The following PHF8 variants were observed in gnomAD, a reference collection of about 807,000 sequenced individuals.
PHF8 encodes histone lysine demethylase PHF8.
In PHF8, 9 loss-of-function variants were observed where a neutral mutation model predicts 74.4. The ratio of observed to expected loss-of-function variants is 0.12; its 90% CI spans 0.07 to 0.21. The LOEUF (loss-of-function observed/expected upper bound fraction) is 0.21, where lower values mean the gene tolerates loss of function less well. Ranked by LOEUF, PHF8 falls within the 10% of genes least tolerant of loss-of-function variation. The pLI is 1.00. For synonymous variants in PHF8, 311 were observed against 316.6 expected (o/e 0.98, Z 0.19); for missense variants, 478 against 816.6 (o/e 0.59, Z 5.05).
intron 18 of PHF8, among the ~76,000 whole-genome samples, chrX:53,963,395 G>A (rs1256974959): frequency 9.0e-6 from 1 of 111,594 alleles, no homozygotes; most frequent in Non-Finnish European, 1.9e-5. Context: ...CATAAGGGCA[G>A]GAATATGTAT....
Position 54,010,986 on chromosome X carries a change from C to A in PHF8, c.946+136G>T. ...GCCCACTGACTACCACATGAAATTT[C>A]TTGAAGCCCAGTTCTGCGCCTTTCG... On this transcript the variant is annotated intron_variant, in intron 8 of 21. Coordinates refer to ENST00000338154, the MANE Select transcript of PHF8 (RefSeq NM_015107.3). 5.2e-6 allele frequency: 3 copies of A among 572,088 alleles called. No individual in the cohort carries two copies. In the East Asian group the frequency reaches 1.1e-4, roughly 21 times the overall value. 47.1% of individuals were successfully genotyped at this position (572,088 alleles called of 1,213,427 possible). A position where few individuals can be genotyped will look rare whatever the true frequency, so the allele number is the denominator to read the frequency against.
At position 53,993,909 on chromosome X, in the gene PHF8, A is replaced by G; in HGVS notation, c.1324-6T>C. ...ACGTTCTGTTGGAAGATGTCCTACA[A>G]GAGTGTTAGTACATGAGGGGGTTAG... On this transcript the variant is annotated splice_polypyrimidine_tract_variant and splice_region_variant and intron_variant, in intron 12 of 21. Transcript: ENST00000338154. 1 of 1,178,731 alleles carries G rather than the reference A, an allele frequency of 8.5e-7. No homozygotes were observed. The highest frequency in any genetic ancestry group is 1.2e-6 in the Non-Finnish European group (1 of 867,218).
intron 19 of PHF8, among the ~76,000 whole-genome samples, chrX:53,948,674 T>A (rs1379491578): frequency 8.9e-6 from 1 of 111,866 alleles, no homozygotes; most frequent in East Asian, 2.8e-4. Context: ...AACTATAGAA[T>A]CTGAGTATTA....
intron 10 of PHF8, among the ~76,000 whole-genome samples, chrX:54,000,939 T>A (rs1203017371): frequency 1.8e-5 from 2 of 113,139 alleles, no homozygotes; most frequent in African/African-American, 6.4e-5. Context: ...AACAAAAAGG[T>A]TAAAATCCAT....
upstream of PHF8, chrX:54,044,993 C>T (rs781903484): frequency 1.9e-5 from 14 of 735,521 alleles, no homozygotes; most frequent in Non-Finnish European, 2.9e-5. Context: ...AAGGCAGGGG[C>T]TTCGAGAAGC....
chrX:53,961,028 CT>C (rs1420326281), intron 19 of PHF8, among the ~76,000 whole-genome samples: 23 of 102,389 alleles, frequency 2.2e-4, no homozygotes, highest in Admixed American at 5.3e-4. Context: ...CCTAAGTTTT[CT>C]TTTTTTTTTT....
chrX:54,022,912 C>CTACTGGA, intron 2 of PHF8, 69 bp from the exon 3 acceptor site: 1 of 600,728 alleles, frequency 1.7e-6, no homozygotes, highest in Non-Finnish European at 2.8e-6. Flanking sequence ...ACAGTGCTGT[C>CTACTGGA]CAGTAGAACA....
chrX:53,991,681 AAAAAC>A (rs1557101408), intron 14 of PHF8, among the ~76,000 whole-genome samples: 21 of 106,071 alleles, frequency 2.0e-4, no homozygotes, highest in African/African-American at 4.5e-4. Context: ...AAAAAAAAAA[AAAAAC>A]AAAACTTGGT....
chrX:53,968,720 C>A (rs926824193), intron 18 of PHF8, among the ~76,000 whole-genome samples: 2 of 110,655 alleles, frequency 1.8e-5, no homozygotes, highest in African/African-American at 6.6e-5. Context: ...ATCAGTCTGG[C>A]CAATATGGTG....
At chrX:54,001,332 AG>A (rs2065824174) in intron 10 of PHF8, among the ~76,000 whole-genome samples, 1 of 109,428 alleles carries the variant, frequency 9.1e-6, no homozygotes, top group East Asian at 2.9e-4. Context: ...CTCAAAAAAA[AG>A]AAAAAGAAAA....
At chrX:54,006,582 A>C (rs1317857802) in intron 8 of PHF8, among the ~76,000 whole-genome samples, 2 of 112,122 alleles carry the variant, frequency 1.8e-5, no homozygotes, top group African/African-American at 6.5e-5. Context: ...TAATTAGAGC[A>C]AACACTACAA....
chrX:53,971,324 T>C (rs782103756), intron 18 of PHF8, among the ~76,000 whole-genome samples: 111 of 111,378 alleles, frequency 1.0e-3, no homozygotes, highest in Non-Finnish European at 1.6e-3. Context: ...ATCTCTGGGA[T>C]GCAGCTAAAC....
rs782396701 is a variant in PHF8 at position 53,993,848 on chromosome X, A to T, written c.1379T>A (p.Ile460Asn). 13 of 1,207,044 alleles carry T rather than the reference A, an allele frequency of 1.1e-5. No individual in the cohort carries two copies. Among genetic ancestry groups the T allele is most frequent in the Middle Eastern group, 2.3e-4 (1 of 4,366 alleles). ...TAGGGGAATGGAGCCGGCTGGGAAG[A>T]TCCTCTGCAGCCCAAAGATATTGCT... ...KTSNIFGLQR[I>N]FPAGSIPLTR... is the part of the protein sequence containing the mutation. The change falls in exon 13 of 22, where the codon ATC (isoleucine) becomes AAC (asparagine). Residue 460 changes from isoleucine to asparagine, a missense_variant. By Grantham distance (149) the Ile-to-Asn change is moderately radical. Transcript: ENST00000338154.
chrX:53,952,082 G>A lies in PHF8; in HGVS notation c.2540-7839C>T, dbSNP rs377273908. On this transcript the variant is annotated intron_variant, in intron 19 of 21. Coordinates refer to ENST00000338154, the MANE Select transcript of PHF8 (RefSeq NM_015107.3). The stretch of plus-strand genomic sequence containing the variant: ...GGGCAGATTACGAGGTCAAGAGTTC[G>A]AGACCAGCCTGGCCAACATAGTGAA... Among the ~76,000 whole-genome samples the A allele has an allele frequency of 2.5e-4, 27 of 109,789 alleles. No individual in the cohort carries two copies. The South Asian group carries it at 9.7e-3, about 40-fold the overall frequency.
intron 20 of PHF8, among the ~76,000 whole-genome samples, chrX:53,941,254 C>G (rs782049837): frequency 1.8e-5 from 2 of 112,311 alleles, no homozygotes; most frequent in Non-Finnish European, 3.8e-5. Context: ...TAAGTGATGA[C>G]ATAAAAATAC....
intron 11 of PHF8, 73 bp from the exon 12 acceptor site, chrX:53,995,855 C>T (rs2065738195): frequency 1.8e-6 from 1 of 549,441 alleles, no homozygotes; most frequent in Non-Finnish European, 3.1e-6. Context: ...TATGCCAAGG[C>T]AATTCAATGG....
chrX:54,044,778 C>T, upstream of PHF8: 1 of 694,325 alleles, frequency 1.4e-6, no homozygotes, highest in Non-Finnish European at 2.1e-6. Context: ...CAGCCTTCTC[C>T]TCCTATGAGA....
chrX:54,022,984 T>C (rs781979818), intron 2 of PHF8, 141 bp from the exon 3 acceptor site: 1 of 461,636 alleles, frequency 2.2e-6, no homozygotes, highest in South Asian at 3.2e-5. Flanking sequence ...AATTTAAAAT[T>C]TCAAGCGCTC....
intron 14 of PHF8, among the ~76,000 whole-genome samples, chrX:53,989,388 G>A (rs2065623619): frequency 8.9e-6 from 1 of 112,088 alleles, no homozygotes; most frequent in African/African-American, 3.2e-5. Context: ...ATGATTGCTG[G>A]TTGAAATGAA....
Sources: allele counts gnomAD v4.1 joint callset (sites outside exome capture counted in the v4.1 genomes callset), GRCh38; gene constraint gnomAD v4.1.1; transcripts MANE v1.5; gene names NCBI Gene and HGNC (gene_info 2026-07-23, HGNC 2026-07-21).